GTF3C1: variants seen among roughly 807,000 people sequenced by gnomAD.
GTF3C1 encodes the protein general transcription factor IIIC subunit 1, also known as general transcription factor 3C polypeptide 1.
Under a neutral mutation model 226.7 loss-of-function variants are expected in GTF3C1, and 57 were observed. That is an observed-to-expected ratio of 0.25 (90% CI 0.20 to 0.31). GTF3C1 has a LOEUF of 0.31. Among genes scored for constraint, GTF3C1 ranks in the 10% least tolerant of loss-of-function variants. The probability of loss-of-function intolerance (pLI) is 1.00; values close to 1 mark genes in which losing one functional copy is unlikely to be tolerated. For missense variants in GTF3C1, 2,217 were observed against 2,776.1 expected (o/e 0.80, Z 4.53); for synonymous variants, 1,090 against 1,084.8 (o/e 1.00, Z -0.09).
At chr16:27,480,362 T>G (rs1039735748) in intron 27 of GTF3C1, among the ~76,000 whole-genome samples, 1 of 152,144 alleles carries the variant, frequency 6.6e-6, no homozygotes, top group Non-Finnish European at 1.5e-5. Context: ...AAACCCAGAA[T>G]GTGGGCAAAG....
At chr16:27,498,584 G>C (rs2088356238) in intron 13 of GTF3C1, 46 bp downstream of exon 13, 1 of 912,678 alleles carries the variant, frequency 1.1e-6, no homozygotes. Context: ...CTGACACACA[G>C]ACCTGGCAGC....
intron 2 of GTF3C1, among the ~76,000 whole-genome samples, chr16:27,541,927 C>A (rs1434947894): frequency 6.6e-6 from 1 of 152,172 alleles, no homozygotes; most frequent in Non-Finnish European, 1.5e-5. Flanking sequence ...TGGCCTATAT[C>A]ACCCTGTAAA....
rs200888316 is a variant in GTF3C1 at position 27,481,071 on chromosome 16, C to A, written c.4196+8G>T. 6.2e-7 allele frequency: 1 copy of A among 1,610,204 alleles called. No homozygotes were observed. Among genetic ancestry groups the A allele is most frequent in the East Asian group, 2.2e-5 (1 of 44,866 alleles). On this transcript the variant is annotated splice_region_variant and intron_variant, in intron 27 of 36. Coordinates refer to ENST00000356183, the MANE Select transcript of GTF3C1 (RefSeq NM_001520.4). ...GGGCCACATGGAACCATCCCAGAAACGGCTTACCTGGCGAACAGCTCCTGG... is the reference window on the plus strand; with the variant it reads ...GGGCCACATGGAACCATCCCAGAAAAGGCTTACCTGGCGAACAGCTCCTGG...
At chr16:27,534,487 GGACA>G (rs2088970237) in intron 4 of GTF3C1, among the ~76,000 whole-genome samples, 1 of 152,136 alleles carries the variant, frequency 6.6e-6, no homozygotes, top group Non-Finnish European at 1.5e-5. Flanking sequence ...ATAAATGGAG[GGACA>G]GACAGTTAAT....
Position 27,469,374 on chromosome 16 carries a change from G to A in GTF3C1, c.4991C>T (p.Pro1664Leu), listed in dbSNP as rs756759991. 1.2e-6 allele frequency: 2 copies of A among 1,611,772 alleles called. 1 individual carries two copies. The highest frequency in any genetic ancestry group is 2.2e-5 in the South Asian group (2 of 90,588). The part of the protein sequence containing the change: ...PGIVSTRNLN[P>L]NDSIVVNSCQ... ...GGAGTTGACCACAATGCTGTCGTTGGGGTTGAGGTTGCGGGTGCTGACGAT... is the reference window on the plus strand; with the variant it reads ...GGAGTTGACCACAATGCTGTCGTTGAGGTTGAGGTTGCGGGTGCTGACGAT... The change falls in exon 32 of 37, where the codon CCC becomes CTC. Residue 1664 changes from proline to leucine, a missense_variant. This residue lies in a region of GTF3C1 where 455 missense variants were observed against 441.9 expected (regional missense o/e 1.03). Transcript: ENST00000356183. The surrounding 1 kb of genome is among the most constrained non-coding windows in gnomAD (Gnocchi z 4.5).
intron 29 of GTF3C1, among the ~76,000 whole-genome samples, chr16:27,473,763 C>A (rs1337681972): frequency 6.6e-6 from 1 of 152,206 alleles, no homozygotes; most frequent in East Asian, 1.9e-4. Context: ...CTCTAGACAG[C>A]ACCTGTGCGC....
intron 6 of GTF3C1, among the ~76,000 whole-genome samples, chr16:27,514,475 C>T (rs1266915695): frequency 2.0e-5 from 3 of 152,242 alleles, no homozygotes; most frequent in Admixed American, 1.3e-4. Context: ...ACAAGCAGCA[C>T]CTCTAGCAGC....
At chr16:27,486,176 G>A in intron 23 of GTF3C1, 22 bp from the exon 24 acceptor site, 2 of 1,521,698 alleles carry the variant, frequency 1.3e-6, no homozygotes, top group Non-Finnish European at 1.8e-6. Context: ...AGAGGGAGAA[G>A]GCAGGAGACC....
chr16:27,501,153 C>T (rs199844524), intron 12 of GTF3C1, 38 bp downstream of exon 12: 30 of 1,575,474 alleles, frequency 1.9e-5, no homozygotes, highest in Admixed American at 8.4e-5. Flanking sequence ...TCCAACAGCA[C>T]GAGGCTGGCT....
Position 27,484,182 on chromosome 16 carries a change from C to T in GTF3C1, c.4001+29G>A, listed in dbSNP as rs199665274. On this transcript the variant is annotated intron_variant, in intron 25 of 36. Coordinates refer to ENST00000356183, the MANE Select transcript of GTF3C1 (RefSeq NM_001520.4). The stretch of plus-strand genomic sequence containing the variant: ...CAAACGGGATAACGTAACCGTGTCC[C>T]GGAGTGACGGGGCTTCAATGAGGCT... 2.3e-4 allele frequency: 350 copies of T among 1,542,712 alleles called. 1 individual carries two copies. Among genetic ancestry groups the T allele is most frequent in the South Asian group, 4.5e-4 (40 of 89,714 alleles).
chr16:27,534,989 A>T (rs1265623407), intron 4 of GTF3C1, among the ~76,000 whole-genome samples: 4 of 152,218 alleles, frequency 2.6e-5, no homozygotes, highest in Admixed American at 2.0e-4. Flanking sequence ...AGAAAAAGGT[A>T]TGTCATTGAT....
At chr16:27,542,517 C>A (rs185453956) in intron 2 of GTF3C1, among the ~76,000 whole-genome samples, 2 of 151,354 alleles carry the variant, frequency 1.3e-5, no homozygotes, top group Admixed American at 6.6e-5. Context: ...GCCAAGATTG[C>A]GCCATTGGAC....
rs1189547854 is a variant in GTF3C1 at position 27,470,876 on chromosome 16, G to T, written c.4527-481C>A. Among the ~76,000 whole-genome samples, 1 of 152,248 alleles carries T rather than the reference G, an allele frequency of 6.6e-6. No individual in the cohort carries two copies. Among genetic ancestry groups the T allele is most frequent in the Non-Finnish European group, 1.5e-5 (1 of 68,048 alleles). ...ATGACCCTGCTACCAGGGTCAGAGG[G>T]AGGGACCAAAAAGGCCTTCCTTGTC... On this transcript the variant is annotated intron_variant, in intron 30 of 36. Coordinates refer to ENST00000356183, the MANE Select transcript of GTF3C1 (RefSeq NM_001520.4). This position sits in a 1 kb window ranked among gnomAD's most constrained non-coding sequence, Gnocchi z 4.9.
At position 27,502,815 on chromosome 16, in the gene GTF3C1, C is replaced by T. The variant is rs1368570934; in HGVS notation, c.1907+44G>A. On this transcript the variant is annotated intron_variant, in intron 11 of 36. Coordinates refer to ENST00000356183, the MANE Select transcript of GTF3C1 (RefSeq NM_001520.4). ...TGATGACCAACTGGTAGGAGGATTA[C>T]TGTTAGTGCCAGCAGACAGACAGAC... 3.2e-6 allele frequency: 5 copies of T among 1,547,228 alleles called. No homozygotes were observed. The South Asian group carries it at 6.0e-5, about 18-fold the overall frequency.
In GTF3C1 at chr16:27,512,319, G is replaced by A. The variant is rs115371321; in HGVS notation, c.974-418C>T. ...GCAGTATTTGCCAAAAGGATGAAAA[G>A]CATCTTTTTCCTTTTAAGCTAATAC... On this transcript the variant is annotated intron_variant, in intron 6 of 36. Transcript: ENST00000356183. Among the ~76,000 whole-genome samples the A allele has an allele frequency of 7.0e-3, 1,064 of 152,274 alleles. 16 individuals are homozygous for A. The highest frequency in any genetic ancestry group is 0.024 in the African/African-American group (1,010 of 41,548).
intron 1 of GTF3C1, among the ~76,000 whole-genome samples, chr16:27,548,138 C>T (rs1022315368): frequency 3.3e-5 from 5 of 152,178 alleles, no homozygotes; most frequent in Non-Finnish European, 7.3e-5. Context: ...TAGCACAGTC[C>T]TAGCTATTCC....
intron 1 of GTF3C1, 96 bp from the exon 2 acceptor site, chr16:27,545,619 G>A: frequency 1.4e-6 from 1 of 718,470 alleles, no homozygotes; most frequent in Non-Finnish European, 2.5e-6. Flanking sequence ...AGAGATCAGA[G>A]AGAAGTGAGA....
At chr16:27,525,733 G>C (rs761826555) in intron 6 of GTF3C1, among the ~76,000 whole-genome samples, 37 of 152,352 alleles carry the variant, frequency 2.4e-4, no homozygotes, top group Non-Finnish European at 4.0e-4. Flanking sequence ...CCTGAGGAGT[G>C]TGAATGAAGT....
chr16:27,488,738 C>T, intron 21 of GTF3C1, 103 bp from the exon 22 acceptor site: 1 of 958,320 alleles, frequency 1.0e-6, no homozygotes, highest in Non-Finnish European at 1.6e-6. Context: ...GTAAGGGCCG[C>T]TGTGCACTGA....
Sources: gnomAD v4.1 joint callset for allele counts (sites outside exome capture counted in the v4.1 genomes callset) on GRCh38, gnomAD v4.1.1 for gene constraint, gnomAD v4.1.1 regional missense constraint, Gnocchi (gnomAD v3.1) non-coding constraint, MANE v1.5 for transcripts, NCBI Gene and HGNC (gene_info 2026-07-23, HGNC 2026-07-21) for gene names.